The following TMED3 variants were observed in gnomAD, a reference collection of about 807,000 sequenced individuals.
The protein encoded by TMED3 is transmembrane emp24 domain-containing protein 3.
TMED3 carries 9 observed loss-of-function variants against 15.0 expected under a neutral mutation model. The ratio of observed to expected loss-of-function variants is 0.60; its 90% CI spans 0.36 to 1.04. TMED3 has a LOEUF of 1.04. Ranked by LOEUF, TMED3 falls within the 50% of genes least tolerant of loss-of-function variation. The probability of loss-of-function intolerance (pLI) is 0.01; values close to 1 mark genes in which losing one functional copy is unlikely to be tolerated. For synonymous variants in TMED3, 117 were observed against 121.4 expected (o/e 0.96, Z 0.24); for missense variants, 267 against 278.9 (o/e 0.96, Z 0.30).
At chr15:79,373,169 A>C (rs1172277994) in intron 2 of TMED3, among the ~76,000 whole-genome samples, 1 of 152,220 alleles carries the variant, frequency 6.6e-6, no homozygotes, top group Non-Finnish European at 1.5e-5. Context: ...GGTGTTTTAT[A>C]AACACCACTA....
chr15:79,396,788 G>GTC (rs940430165), intron 2 of TMED3, among the ~76,000 whole-genome samples: 2 of 152,142 alleles, frequency 1.3e-5, no homozygotes, highest in African/African-American at 4.8e-5. Flanking sequence ...CACATTCTGA[G>GTC]TTTCAAGGAC....
intron 2 of TMED3, among the ~76,000 whole-genome samples, chr15:79,316,706 C>G (rs2058741818): frequency 6.6e-6 from 1 of 152,128 alleles, no homozygotes; most frequent in African/African-American, 2.4e-5. Context: ...CATGAAGTGG[C>G]AACTATAATC....
At chr15:79,320,712 A>G in intron 2 of TMED3, among the ~76,000 whole-genome samples, 1 of 152,198 alleles carries the variant, frequency 6.6e-6, no homozygotes, top group East Asian at 1.9e-4. Flanking sequence ...ACGTTTTCCC[A>G]CAGGCATAAT....
At chr15:79,372,374 T>C (rs537234053) in intron 2 of TMED3, among the ~76,000 whole-genome samples, 1 of 152,358 alleles carries the variant, frequency 6.6e-6, no homozygotes, top group Non-Finnish European at 1.5e-5. Context: ...CAGAATTTTC[T>C]GTAATCTTCC....
chr15:79,337,754 G>A (rs2058832365), intron 2 of TMED3, among the ~76,000 whole-genome samples: 1 of 152,226 alleles, frequency 6.6e-6, no homozygotes, highest in African/African-American at 2.4e-5. Context: ...TGGGAGCTGT[G>A]TGAGGATGAG....
At chr15:79,364,861 A>G (rs1893199457) in intron 2 of TMED3, among the ~76,000 whole-genome samples, 1 of 152,160 alleles carries the variant, frequency 6.6e-6, no homozygotes, top group African/African-American at 2.4e-5. Flanking sequence ...TCATCCTTCA[A>G]GCCCATGTGT....
In TMED3 at chr15:79,390,599, C is replaced by A. The variant is rs904093284; in HGVS notation, c.418-20801C>A. Reference sequence around the variant, plus strand: ...GTTTGGCATTAGGGTGATACGGCTCCATAGAATGAATTAGGGAGGGTTCCC... The same window carrying A: ...GTTTGGCATTAGGGTGATACGGCTCAATAGAATGAATTAGGGAGGGTTCCC... On this transcript the variant is annotated intron_variant, in intron 2 of 2. Coordinates refer to the TMED3 transcript ENST00000424155. 5.9e-5 allele frequency among the ~76,000 whole-genome samples: 9 copies of A among 152,166 alleles called. No individual in the cohort carries two copies. In the East Asian group the frequency reaches 1.5e-3, roughly 26 times the overall value.
At chr15:79,370,123 C>T (rs1893309348) in intron 2 of TMED3, among the ~76,000 whole-genome samples, 1 of 152,044 alleles carries the variant, frequency 6.6e-6, no homozygotes, top group African/African-American at 2.4e-5. Context: ...CAGAGTCTCA[C>T]TCTGTTGCCC....
At chr15:79,337,839 C>T (rs1422876792) in intron 2 of TMED3, among the ~76,000 whole-genome samples, 2 of 152,174 alleles carry the variant, frequency 1.3e-5, no homozygotes, top group African/African-American at 4.8e-5. Flanking sequence ...GGGAAATGTA[C>T]AATGATATTC....
Position 79,359,230 on chromosome 15 carries a change from GTTTT to G in TMED3, c.417+45242_417+45245del, listed in dbSNP as rs5813967. Among the ~76,000 whole-genome samples the G allele has an allele frequency of 2.0e-4, 24 of 122,412 alleles. No individual in the cohort carries two copies. In the East Asian group the frequency reaches 2.0e-3, roughly 10 times the overall value. The allele number at this position is 122,412 out of a possible 152,430, so 80.3% of individuals were successfully genotyped here. ...CAGTTTATTTGAAGGAGAAGGCTCA[GTTTT>G]TTTTTTTTTTTTTTTTGAGACGGAG... On this transcript the variant is annotated intron_variant, in intron 2 of 2. Transcript: ENST00000424155.
chr15:79,323,126 A>G (rs929990421), downstream of TMED3, among the ~76,000 whole-genome samples: 1 of 152,098 alleles, frequency 6.6e-6, no homozygotes, highest in Non-Finnish European at 1.5e-5. Flanking sequence ...CTGCTCCATC[A>G]TTTCCTTCTG....
chr15:79,354,623 C>CAAAAAA (rs60577285), intron 2 of TMED3, among the ~76,000 whole-genome samples: 1 of 120,918 alleles, frequency 8.3e-6, no homozygotes. Context: ...ATAGAAGAGG[C>CAAAAAA]AAAAAAAAAA....
chr15:79,325,181 G>A (rs1283896690), downstream of TMED3, among the ~76,000 whole-genome samples: 2 of 152,174 alleles, frequency 1.3e-5, no homozygotes, highest in African/African-American at 4.8e-5. Context: ...TGGTCTAATG[G>A]TGTTGGCTTG....
chr15:79,409,565 T>C (rs1302925368), intron 2 of TMED3, among the ~76,000 whole-genome samples: 3 of 152,234 alleles, frequency 2.0e-5, no homozygotes, highest in African/African-American at 7.2e-5. Context: ...AATTTCTTCA[T>C]GTGTAAAATA....
rs571759734 is a variant in TMED3 at position 79,365,096 on chromosome 15, C to T, written c.418-46304C>T. 2.6e-4 allele frequency among the ~76,000 whole-genome samples: 39 copies of T among 152,284 alleles called. No homozygotes were observed. In the East Asian group the frequency reaches 3.5e-3, roughly 14 times the overall value. On this transcript the variant is annotated intron_variant, in intron 2 of 2. Coordinates refer to the TMED3 transcript ENST00000424155. ...CCCTCAGGGGTTTGAGCAGCGGAGA[C>T]GAGGGAACAGGCGATTCACACCCCT...
intron 2 of TMED3, among the ~76,000 whole-genome samples, chr15:79,393,393 C>T (rs946842529): frequency 6.6e-6 from 1 of 152,158 alleles, no homozygotes; most frequent in African/African-American, 2.4e-5. Context: ...ATGAATCAAC[C>T]AGAGTACCTC....
At chr15:79,378,451 G>A (rs1197618802) in intron 2 of TMED3, among the ~76,000 whole-genome samples, 1 of 152,196 alleles carries the variant, frequency 6.6e-6, no homozygotes, top group Non-Finnish European at 1.5e-5. Flanking sequence ...CCATCCTTGA[G>A]CGCCTTGTCA....
chr15:79,312,879 T>C (rs2058722283), intron 1 of TMED3, among the ~76,000 whole-genome samples: 1 of 152,126 alleles, frequency 6.6e-6, no homozygotes, highest in Admixed American at 6.5e-5. Flanking sequence ...CACCTGTCTG[T>C]TATTGGAACG....
intron 2 of TMED3, among the ~76,000 whole-genome samples, chr15:79,319,971 C>T (rs1238386059): frequency 6.6e-6 from 1 of 152,144 alleles, no homozygotes; most frequent in Non-Finnish European, 1.5e-5. Flanking sequence ...CAGTTAGGTC[C>T]CCGGATAACT....
Sources: allele counts gnomAD v4.1 joint callset (sites outside exome capture counted in the v4.1 genomes callset), GRCh38; gene constraint gnomAD v4.1.1; transcripts MANE v1.5; gene names NCBI Gene and HGNC (gene_info 2026-07-23, HGNC 2026-07-21).